TLN2: variants seen among roughly 807,000 people sequenced by gnomAD.
The protein encoded by TLN2 is talin 2, also known as talin-2.
TLN2 carries 118 observed loss-of-function variants against 294.7 expected under a neutral mutation model. That is an observed-to-expected ratio of 0.40 (90% CI 0.34 to 0.47). TLN2 has a LOEUF of 0.47. Ranked by LOEUF, TLN2 falls within the 20% of genes least tolerant of loss-of-function variation. TLN2 has a pLI of 0.84. For missense variants in TLN2, 3,083 were observed against 3,282.2 expected (o/e 0.94, Z 1.48); for synonymous variants, 1,431 against 1,304.5 (o/e 1.10, Z -2.09).
Position 62,710,776 on chromosome 15 carries a change from A to AG in TLN2, c.2468-1134dup, listed in dbSNP as rs539528509. Reference sequence around the variant, plus strand: ...AGTCTTGCTCTGTTGCCCAGGCTGGAGAGCAGTGACACAATCTCAGCTCAC... The same window carrying AG: ...AGTCTTGCTCTGTTGCCCAGGCTGGAGGAGCAGTGACACAATCTCAGCTCAC... On this transcript the variant is annotated intron_variant, in intron 21 of 58. Transcript: ENST00000636159. 1.0e-2 allele frequency among the ~76,000 whole-genome samples: 278 copies of AG among 27,890 alleles called. 1 individual carries two copies. Among genetic ancestry groups the AG allele is most frequent in the Admixed American group, 0.073 (81 of 1,112 alleles). The allele number at this position is 27,890 out of a possible 152,430, so 18.3% of individuals were successfully genotyped here. A position where few individuals can be genotyped will look rare whatever the true frequency, so the allele number is the denominator to read the frequency against.
intron 54 of TLN2, chr15:62,832,650 C>A (rs2068998398): frequency 6.6e-6 from 1 of 152,220 alleles, no homozygotes; most frequent in South Asian, 2.1e-4. Flanking sequence ...GATCCCGTGC[C>A]TCGGGTGTCC....
intron 12 of TLN2, among the ~76,000 whole-genome samples, chr15:62,689,935 A>AC (rs556352409): frequency 0.042 from 208 of 5,002 alleles, 64 homozygotes; most frequent in East Asian, 0.071. Context: ...CGGGGGGCTG[A>AC]CCCCCCCCAC....
At chr15:62,615,314 C>G (rs1036847978) in intron 2 of TLN2, among the ~76,000 whole-genome samples, 1 of 152,176 alleles carries the variant, frequency 6.6e-6, no homozygotes, top group Non-Finnish European at 1.5e-5. Flanking sequence ...TCTTTTTGCA[C>G]TCATACTTCT....
At chr15:62,523,666 A>G (rs2040581742) in intron 1 of TLN2, among the ~76,000 whole-genome samples, 1 of 152,228 alleles carries the variant, frequency 6.6e-6, no homozygotes, top group African/African-American at 2.4e-5. Flanking sequence ...AATAGAGAAT[A>G]ACTAGCTTGA....
At chr15:62,516,221 T>C (rs1475927619) in intron 1 of TLN2, among the ~76,000 whole-genome samples, 1 of 152,192 alleles carries the variant, frequency 6.6e-6, no homozygotes, top group Non-Finnish European at 1.5e-5. Flanking sequence ...GGTAAGGCAG[T>C]ATGAAAAGAA....
At chr15:62,713,539 C>G (rs1391230415) in intron 22 of TLN2, among the ~76,000 whole-genome samples, 1 of 151,926 alleles carries the variant, frequency 6.6e-6, no homozygotes, top group African/African-American at 2.4e-5. Flanking sequence ...ATTAGCCAGG[C>G]TTGGTGGCAC....
intron 1 of TLN2, among the ~76,000 whole-genome samples, chr15:62,450,675 A>C (rs550676961): frequency 1.4e-4 from 21 of 152,158 alleles, no homozygotes; most frequent in Admixed American, 1.4e-3. Context: ...CTTGGGCTCA[A>C]GATATCCTCC....
chr15:62,490,296 T>A (rs1325927064), intron 1 of TLN2, among the ~76,000 whole-genome samples: 1 of 152,260 alleles, frequency 6.6e-6, no homozygotes, highest in Non-Finnish European at 1.5e-5. Context: ...CATTTGTTTA[T>A]GAATTTTTTA....
intron 45 of TLN2, among the ~76,000 whole-genome samples, chr15:62,786,255 A>G (rs1283726265): frequency 6.6e-6 from 1 of 152,232 alleles, no homozygotes; most frequent in African/African-American, 2.4e-5. Context: ...AAATATTTAT[A>G]TCCAGGGGAA....
intron 1 of TLN2, among the ~76,000 whole-genome samples, chr15:62,425,325 C>T (rs568760558): frequency 1.5e-4 from 22 of 145,880 alleles, no homozygotes; most frequent in Admixed American, 2.1e-4. Context: ...CTGGGGAATA[C>T]TGCCTGCGGT....
intron 12 of TLN2, 30 bp downstream of exon 12, chr15:62,686,826 C>T: frequency 6.2e-7 from 1 of 1,609,756 alleles, no homozygotes; most frequent in Non-Finnish European, 8.5e-7. Context: ...AAGGAGAGCA[C>T]TAGCGTGGCC....
chr15:62,841,689 A>ATGTT lies in TLN2; in HGVS notation c.*1081_*1084dup, dbSNP rs2070721775. Reference sequence around the variant, plus strand: ...TACTTATTATCACATAAGACATAAGATGTTTTCATTTTCTGGATGTCACAC... The same window carrying ATGTT: ...TACTTATTATCACATAAGACATAAGATGTTTGTTTTCATTTTCTGGATGTCACAC... On this transcript the variant is annotated 3_prime_UTR_variant, in exon 59 of 59. Coordinates refer to ENST00000636159, the MANE Select transcript of TLN2 (RefSeq NM_015059.3). The ATGTT allele has an allele frequency of 6.6e-6, 1 of 151,742 alleles. No homozygotes were observed. Among genetic ancestry groups the ATGTT allele is most frequent in the Non-Finnish European group, 1.5e-5 (1 of 68,022 alleles). 9.4% of individuals were successfully genotyped at this position (151,742 alleles called of 1,614,324 possible).
rs377405417 is a variant in TLN2 at position 62,504,818 on chromosome 15, GGT to G, written c.-237-84841_-237-84840del. On this transcript the variant is annotated intron_variant, in intron 1 of 58. Transcript: ENST00000636159. ...AAGGGTAACAGAAAGTAGTTGGTGGGGTGTGTGTGTGTGTGTGTGTGTGTGTG... is the reference window on the plus strand; with the variant it reads ...AAGGGTAACAGAAAGTAGTTGGTGGGGTGTGTGTGTGTGTGTGTGTGTGTG... 1.5e-3 allele frequency among the ~76,000 whole-genome samples: 217 copies of G among 143,430 alleles called. 1 individual carries two copies. The highest frequency in any genetic ancestry group is 4.5e-3 in the East Asian group (20 of 4,482). The allele number at this position is 143,430 out of a possible 152,430, so 94.1% of individuals were successfully genotyped here. A position where few individuals can be genotyped will look rare whatever the true frequency, so the allele number is the denominator to read the frequency against.
chr15:62,587,415 C>G (rs933707631), intron 1 of TLN2, among the ~76,000 whole-genome samples: 1 of 152,186 alleles, frequency 6.6e-6, no homozygotes, highest in Non-Finnish European at 1.5e-5. Flanking sequence ...AAACATCCTT[C>G]TAGACATCTC....
At chr15:62,462,966 C>T (rs576760389) in intron 1 of TLN2, among the ~76,000 whole-genome samples, 1 of 152,330 alleles carries the variant, frequency 6.6e-6, no homozygotes, top group South Asian at 2.1e-4. Context: ...CAGCGCCAAA[C>T]TCTCTAGAGC....
intron 1 of TLN2, among the ~76,000 whole-genome samples, chr15:62,434,506 C>A (rs1014271011): frequency 3.3e-5 from 5 of 152,116 alleles, no homozygotes; most frequent in Admixed American, 2.0e-4. Flanking sequence ...CCCTTGCTTG[C>A]AAGTGTGAGT....
intron 1 of TLN2, among the ~76,000 whole-genome samples, chr15:62,568,933 G>A (rs948804116): frequency 3.9e-5 from 6 of 152,144 alleles, no homozygotes; most frequent in African/African-American, 1.2e-4. Context: ...GGCTTGTAAC[G>A]ACAGGAATCT....
At chr15:62,825,767 ATAT>A (rs1451167694) in intron 54 of TLN2, among the ~76,000 whole-genome samples, 2 of 36,448 alleles carry the variant, frequency 5.5e-5, no homozygotes, top group East Asian at 5.8e-4. Flanking sequence ...TTATAATTAT[ATAT>A]TATATAATAT....
chr15:62,632,216 T>C (rs1399710978), intron 3 of TLN2, among the ~76,000 whole-genome samples: 1 of 152,200 alleles, frequency 6.6e-6, no homozygotes, highest in African/African-American at 2.4e-5. Context: ...GGGCGTGGCA[T>C]TAAAGTTGAG....
Sources: gnomAD v4.1 joint callset for allele counts (sites outside exome capture counted in the v4.1 genomes callset) on GRCh38, gnomAD v4.1.1 for gene constraint, MANE v1.5 for transcripts, NCBI Gene and HGNC (gene_info 2026-07-23, HGNC 2026-07-21) for gene names.